MLIP: variants seen among roughly 807,000 people sequenced by gnomAD.
MLIP encodes the protein muscular LMNA interacting protein.
In MLIP, 79 loss-of-function variants were observed where a neutral mutation model predicts 84.8. The observed-to-expected ratio is 0.93, with a 90% CI of 0.78 to 1.12. The LOEUF is 1.12. Among genes scored for constraint, MLIP ranks in the 50% most tolerant of loss-of-function variants. The pLI, the probability that MLIP is intolerant of heterozygous loss-of-function variation, is 0.00. For missense variants in MLIP, 1,257 were observed against 1,160.6 expected (o/e 1.08, Z -1.21); for synonymous variants, 504 against 463.0 (o/e 1.09, Z -1.14).
chr6:54,119,563 T>A (rs1160778020), intron 1 of MLIP, among the ~76,000 whole-genome samples: 1 of 152,158 alleles, frequency 6.6e-6, no homozygotes. Flanking sequence ...CTTGAGGAGA[T>A]GTTGGTCAAA....
rs189542497 is a variant in MLIP at position 54,077,755 on chromosome 6, G to A, written c.64-43692G>A. Among the ~76,000 whole-genome samples the A allele has an allele frequency of 6.0e-4, 92 of 152,264 alleles. 2 individuals are homozygous for A. Among genetic ancestry groups the A allele is most frequent in the Middle Eastern group, 3.4e-3 (1 of 294 alleles). ...TTGGTCTTGGCATACCACTTATAAA[G>A]TTTGCAAGCAAGCAAATTCTTTAAG... is the stretch of plus-strand genomic sequence containing the variant. On this transcript the variant is annotated intron_variant, in intron 1 of 12. Coordinates refer to the MLIP transcript ENST00000274897.
At chr6:54,214,312 G>C (rs1779697900) in intron 11 of MLIP, among the ~76,000 whole-genome samples, 1 of 152,166 alleles carries the variant, frequency 6.6e-6, no homozygotes, top group African/African-American at 2.4e-5. Flanking sequence ...ACTAGCCACA[G>C]GGGAACTTGT....
At chr6:54,145,643 C>A (rs963632648) in intron 4 of MLIP, among the ~76,000 whole-genome samples, 10 of 151,764 alleles carry the variant, frequency 6.6e-5, no homozygotes, top group African/African-American at 2.4e-4. Flanking sequence ...GGGTATGCTG[C>A]CACATGCCTG....
chr6:54,171,719 G>T (rs1490601105), intron 9 of MLIP, among the ~76,000 whole-genome samples: 1 of 151,386 alleles, frequency 6.6e-6, no homozygotes, highest in Non-Finnish European at 1.5e-5. Context: ...GAATGATACT[G>T]TAATATTTTC....
At chr6:54,098,049 A>G (rs2150383136) in intron 1 of MLIP, among the ~76,000 whole-genome samples, 1 of 152,234 alleles carries the variant, frequency 6.6e-6, no homozygotes, top group South Asian at 2.1e-4. Context: ...CACTGAAACC[A>G]TGAGAGTAGA....
chr6:54,188,779 A>G (rs1391887641), intron 9 of MLIP, among the ~76,000 whole-genome samples: 3 of 150,878 alleles, frequency 2.0e-5, no homozygotes, highest in East Asian at 2.0e-4. Flanking sequence ...AGAACATACC[A>G]AGACCCCCAA....
intron 4 of MLIP, among the ~76,000 whole-genome samples, chr6:54,147,881 T>A (rs568751319): frequency 1.3e-5 from 2 of 152,268 alleles, no homozygotes; most frequent in East Asian, 3.9e-4. Context: ...TAACTCAGTA[T>A]ACCAAGAAAA....
intron 1 of MLIP, among the ~76,000 whole-genome samples, chr6:54,090,510 A>G (rs1767794653): frequency 6.6e-6 from 1 of 152,180 alleles, no homozygotes. Context: ...TTTGTTATTC[A>G]GAAATTAATC....
chr6:54,055,515 A>G (rs930044262), intron 1 of MLIP, among the ~76,000 whole-genome samples: 2 of 152,278 alleles, frequency 1.3e-5, no homozygotes, highest in Non-Finnish European at 2.9e-5. Flanking sequence ...AAAAAACTAC[A>G]TTGAAGTGTG....
intron 10 of MLIP, among the ~76,000 whole-genome samples, chr6:54,195,690 T>C (rs1778244029): frequency 6.6e-6 from 1 of 152,062 alleles, no homozygotes; most frequent in Non-Finnish European, 1.5e-5. Context: ...TAGACGAGTG[T>C]CTTATAGCCC....
intron 5 of MLIP, among the ~76,000 whole-genome samples, chr6:54,156,219 C>T (rs934026031): frequency 6.6e-6 from 1 of 152,022 alleles, no homozygotes. Flanking sequence ...AAGTAACGCA[C>T]AGTCAATTAA....
intron 1 of MLIP, among the ~76,000 whole-genome samples, chr6:54,020,309 A>G (rs1463995548): frequency 6.6e-6 from 1 of 152,212 alleles, no homozygotes; most frequent in Non-Finnish European, 1.5e-5. Context: ...GCCTAAGCCT[A>G]TTTTTAAACT....
At chr6:54,163,821 G>C (rs1391825364) in intron 8 of MLIP, among the ~76,000 whole-genome samples, 1 of 151,790 alleles carries the variant, frequency 6.6e-6, no homozygotes, top group Non-Finnish European at 1.5e-5. Context: ...TGTTTTTCCT[G>C]TTGGAATCTT....
chr6:54,154,284 T>C (rs984866325), intron 5 of MLIP, among the ~76,000 whole-genome samples: 7 of 152,190 alleles, frequency 4.6e-5, no homozygotes, highest in African/African-American at 1.7e-4. Context: ...AGTAGACTAC[T>C]GTATGCCAAT....
rs183032203 is a variant in MLIP, at chr6:54,029,774, G to T, written c.63+10683G>T. 2.9e-3 allele frequency among the ~76,000 whole-genome samples: 447 copies of T among 152,094 alleles called. 1 individual carries two copies. The highest frequency in any genetic ancestry group is 8.6e-3 in the African/African-American group (358 of 41,478). ...CTTGAAAATTTCAGCTTGTATAACG[G>T]GTTATAATCTTTACTCTTTTTCTTA... On this transcript the variant is annotated intron_variant, in intron 1 of 12. Transcript: ENST00000274897.
At chr6:54,166,027 C>T (rs1033360138) in intron 8 of MLIP, among the ~76,000 whole-genome samples, 2 of 151,894 alleles carry the variant, frequency 1.3e-5, no homozygotes, top group African/African-American at 4.8e-5. Flanking sequence ...ACCTCCCAGC[C>T]TCCAGAACTG....
chr6:54,106,529 G>T (rs530713685), upstream of MLIP, among the ~76,000 whole-genome samples: 3 of 152,302 alleles, frequency 2.0e-5, no homozygotes, highest in East Asian at 5.8e-4. Flanking sequence ...AGAAGTAGAA[G>T]TAGTGAGATA....
intron 10 of MLIP, among the ~76,000 whole-genome samples, chr6:54,199,985 C>G (rs1258738903): frequency 2.6e-5 from 4 of 151,980 alleles, no homozygotes; most frequent in Admixed American, 2.0e-4. Context: ...GGAAATGGAG[C>G]AAAAATCATT....
intron 5 of MLIP, among the ~76,000 whole-genome samples, chr6:54,158,342 A>AT (rs1774260400): frequency 2.0e-5 from 3 of 152,050 alleles, no homozygotes; most frequent in Non-Finnish European, 2.9e-5. Context: ...TGAATCTTTG[A>AT]TTTTTTCTGT....
Sources: allele counts gnomAD v4.1 joint callset (sites outside exome capture counted in the v4.1 genomes callset), GRCh38; gene constraint gnomAD v4.1.1; transcripts MANE v1.5; gene names NCBI Gene and HGNC (gene_info 2026-07-23, HGNC 2026-07-21).